Variants in SLC9A9 observed in about 807,000 individuals in gnomAD.
SLC9A9 encodes the protein sodium/hydrogen exchanger 9.
In SLC9A9, 62 loss-of-function variants were observed where a neutral mutation model predicts 77.8. The observed-to-expected ratio is 0.80, with a 90% CI of 0.65 to 0.98. The LOEUF is 0.98. SLC9A9 is among the 50% of genes least tolerant of loss of function. SLC9A9 has a pLI of 0.00. For missense variants in SLC9A9, 775 were observed against 774.9 expected (o/e 1.00, Z 0.00); for synonymous variants, 320 against 283.5 (o/e 1.13, Z -1.29).
intron 6 of SLC9A9, among the ~76,000 whole-genome samples, chr3:143,593,714 T>A (rs905453035): frequency 6.6e-6 from 1 of 152,128 alleles, no homozygotes; most frequent in Admixed American, 6.6e-5. Context: ...AATAGCAAAA[T>A]CCTTGTTTTT....
intron 4 of SLC9A9, among the ~76,000 whole-genome samples, chr3:143,736,056 T>C (rs1235695690): frequency 6.6e-6 from 1 of 152,246 alleles, no homozygotes; most frequent in Non-Finnish European, 1.5e-5. Flanking sequence ...AATGCTTTTA[T>C]AGAAATCCAT....
intron 14 of SLC9A9, among the ~76,000 whole-genome samples, chr3:143,317,938 A>G (rs1017651473): frequency 2.0e-5 from 3 of 152,284 alleles, no homozygotes; most frequent in Admixed American, 1.3e-4. Context: ...CGTGTTAGCC[A>G]GGATGGTCTC....
chr3:143,376,583 C>A (rs974372422), intron 13 of SLC9A9, among the ~76,000 whole-genome samples: 3 of 152,202 alleles, frequency 2.0e-5, no homozygotes, highest in African/African-American at 7.2e-5. Flanking sequence ...ATAGCTGCCA[C>A]CTTCCACTTC....
At position 143,806,236 on chromosome 3, in the gene SLC9A9, A is replaced by G. The variant is rs368090320; in HGVS notation, c.379-9333T>C. ...CTTCCCCTTTTATGCCTGAATTCTTACTCATCTTTCAAGCTGCCTCTCAAA... is the reference window on the plus strand; with the variant it reads ...CTTCCCCTTTTATGCCTGAATTCTTGCTCATCTTTCAAGCTGCCTCTCAAA... On this transcript the variant is annotated intron_variant, in intron 2 of 15. Transcript: ENST00000316549. Among the ~76,000 whole-genome samples the G allele has an allele frequency of 6.2e-4, 94 of 151,930 alleles. No individual in the cohort carries two copies. In the South Asian group the frequency reaches 0.014, roughly 22 times the overall value.
chr3:143,678,925 A>G (rs1932983764), intron 5 of SLC9A9, among the ~76,000 whole-genome samples: 1 of 152,158 alleles, frequency 6.6e-6, no homozygotes, highest in African/African-American at 2.4e-5. Flanking sequence ...TCAATGATGA[A>G]GAAAGTATAT....
At chr3:143,715,823 A>G (rs1934329808) in intron 4 of SLC9A9, among the ~76,000 whole-genome samples, 1 of 152,220 alleles carries the variant, frequency 6.6e-6, no homozygotes, top group South Asian at 2.1e-4. Flanking sequence ...TCTCACTGTC[A>G]TAGAAAACCT....
At chr3:143,544,388 G>A (rs1225802206) in intron 9 of SLC9A9, among the ~76,000 whole-genome samples, 1 of 151,858 alleles carries the variant, frequency 6.6e-6, no homozygotes, top group African/African-American at 2.4e-5. Context: ...CACCACGCTC[G>A]GCTAATTTTT....
intron 5 of SLC9A9, among the ~76,000 whole-genome samples, chr3:143,657,479 C>T (rs1204277207): frequency 1.3e-5 from 2 of 152,160 alleles, no homozygotes; most frequent in Non-Finnish European, 2.9e-5. Flanking sequence ...GGCCCAGGGA[C>T]CCCTGGAGGT....
chr3:143,394,601 G>T (rs2033654460), intron 12 of SLC9A9, among the ~76,000 whole-genome samples: 3 of 152,166 alleles, frequency 2.0e-5, no homozygotes, highest in African/African-American at 7.2e-5. Flanking sequence ...GTTCTGGCCA[G>T]GGCAATCAGA....
intron 12 of SLC9A9, among the ~76,000 whole-genome samples, chr3:143,400,880 G>A (rs779889099): frequency 2.0e-5 from 3 of 152,164 alleles, no homozygotes; most frequent in Non-Finnish European, 4.4e-5. Context: ...GAGCCCGAGA[G>A]TGAGTGCTTC....
At chr3:143,374,099 T>C (rs2033119431) in intron 13 of SLC9A9, among the ~76,000 whole-genome samples, 1 of 151,624 alleles carries the variant, frequency 6.6e-6, no homozygotes, top group African/African-American at 2.4e-5. Context: ...TCCAGGAAAT[T>C]AAAAAAAATT....
intron 6 of SLC9A9, among the ~76,000 whole-genome samples, chr3:143,644,635 A>G (rs1424365553): frequency 6.6e-6 from 1 of 152,194 alleles, no homozygotes; most frequent in Non-Finnish European, 1.5e-5. Flanking sequence ...ACTGCTTCCC[A>G]GCCTCTGTTT....
At chr3:143,512,018 C>T (rs1013838313) in intron 9 of SLC9A9, among the ~76,000 whole-genome samples, 2 of 152,184 alleles carry the variant, frequency 1.3e-5, no homozygotes, top group South Asian at 2.1e-4. Flanking sequence ...ATTTCTCAAA[C>T]AACATGTATG....
intron 8 of SLC9A9, among the ~76,000 whole-genome samples, chr3:143,569,982 T>C (rs938731667): frequency 6.6e-6 from 1 of 151,748 alleles, no homozygotes; most frequent in Non-Finnish European, 1.5e-5. Flanking sequence ...GATACTTTTT[T>C]TTTTTTAGAG....
intron 9 of SLC9A9, among the ~76,000 whole-genome samples, chr3:143,507,269 G>A (rs1428258351): frequency 2.0e-5 from 3 of 151,710 alleles, no homozygotes; most frequent in Middle Eastern, 3.2e-3. Context: ...GTGCAGTGGC[G>A]CGATCTCTGC....
At chr3:143,478,335 TA>T (rs1410095019) in intron 11 of SLC9A9, among the ~76,000 whole-genome samples, 1 of 152,198 alleles carries the variant, frequency 6.6e-6, no homozygotes, top group African/African-American at 2.4e-5. Flanking sequence ...CAGGTTCCTC[TA>T]AAAGGAGGGG....
intron 2 of SLC9A9, among the ~76,000 whole-genome samples, chr3:143,804,306 A>T (rs1376303430): frequency 6.6e-6 from 1 of 152,124 alleles, no homozygotes; most frequent in Non-Finnish European, 1.5e-5. Flanking sequence ...CCCCTTGCTC[A>T]TCAGACTCTC....
chr3:143,827,230 T>C (rs1390191912), intron 2 of SLC9A9, among the ~76,000 whole-genome samples: 5 of 152,178 alleles, frequency 3.3e-5, no homozygotes, highest in African/African-American at 1.2e-4. Flanking sequence ...CCCTAAAGGG[T>C]TACAACCAGT....
chr3:143,668,624 G>A (rs1254724108), intron 5 of SLC9A9, among the ~76,000 whole-genome samples: 1 of 152,130 alleles, frequency 6.6e-6, no homozygotes, highest in East Asian at 1.9e-4. Flanking sequence ...TTGTTCATCT[G>A]CGCATTTGTC....
Sources: gnomAD v4.1 joint callset for allele counts (sites outside exome capture counted in the v4.1 genomes callset) on GRCh38, gnomAD v4.1.1 for gene constraint, MANE v1.5 for transcripts, NCBI Gene and HGNC (gene_info 2026-07-23, HGNC 2026-07-21) for gene names.